GRID1: variants seen among roughly 807,000 people sequenced by gnomAD.
GRID1 encodes glutamate receptor ionotropic, delta-1.
In GRID1, 28 loss-of-function variants were observed where a neutral mutation model predicts 98.0. The observed-to-expected ratio is 0.29, with a 90% CI of 0.21 to 0.39. The LOEUF is 0.39. Ranked by LOEUF, GRID1 falls within the 10% of genes least tolerant of loss-of-function variation. The probability of loss-of-function intolerance (pLI) is 1.00; values close to 1 mark genes in which losing one functional copy is unlikely to be tolerated. For missense variants in GRID1, 1,111 were observed against 1,340.5 expected (o/e 0.83, Z 2.67); for synonymous variants, 553 against 538.5 (o/e 1.03, Z -0.37).
At chr10:85,876,603 T>C (rs1288147138) in intron 5 of GRID1, among the ~76,000 whole-genome samples, 1 of 152,176 alleles carries the variant, frequency 6.6e-6, no homozygotes, top group African/African-American at 2.4e-5. Flanking sequence ...TGCATCCAGA[T>C]ATTAAGAATC....
chr10:85,930,094 T>C (rs1472755637), intron 4 of GRID1, among the ~76,000 whole-genome samples: 1 of 152,172 alleles, frequency 6.6e-6, no homozygotes, highest in Admixed American at 6.5e-5. Flanking sequence ...CTTTTGCTTT[T>C]TTGCATTAAC....
At chr10:85,796,009 C>T (rs1292379391) in intron 8 of GRID1, among the ~76,000 whole-genome samples, 1 of 152,172 alleles carries the variant, frequency 6.6e-6, no homozygotes, top group South Asian at 2.1e-4. Context: ...CAAAACCAAA[C>T]CTCTAATCCC....
chr10:85,907,124 G>A (rs1350157921), intron 5 of GRID1, among the ~76,000 whole-genome samples: 2 of 151,990 alleles, frequency 1.3e-5, no homozygotes, highest in African/African-American at 2.4e-5. Context: ...GTTTTGTTTT[G>A]TTTTTTTGAG....
chr10:85,883,496 CTCTCTCTCTCTCTG>C (rs1041845302), intron 5 of GRID1, among the ~76,000 whole-genome samples: 6 of 148,718 alleles, frequency 4.0e-5, no homozygotes, highest in African/African-American at 7.3e-5. Flanking sequence ...CTCTCTGTCT[CTCTCTCTCTCTCTG>C]TCTCTCTCTC....
chr10:85,747,189 T>G (rs1842005566), intron 8 of GRID1, among the ~76,000 whole-genome samples: 1 of 152,138 alleles, frequency 6.6e-6, no homozygotes, highest in Admixed American at 6.5e-5. Context: ...AACTCAGAAC[T>G]TCTGAATCAA....
chr10:86,131,309 TC>T (rs1245410005), intron 4 of GRID1, among the ~76,000 whole-genome samples: 1 of 152,046 alleles, frequency 6.6e-6, no homozygotes, highest in Non-Finnish European at 1.5e-5. Context: ...CCCTTGGGGA[TC>T]CGGGAGCAGA....
chr10:86,311,816 C>T (rs1177030227), intron 2 of GRID1, among the ~76,000 whole-genome samples: 5 of 152,222 alleles, frequency 3.3e-5, no homozygotes, highest in Admixed American at 6.5e-5. Context: ...AGCTATGTGA[C>T]TGAACCACTG....
At chr10:86,159,516 T>C (rs940261887) in intron 3 of GRID1, among the ~76,000 whole-genome samples, 1 of 152,194 alleles carries the variant, frequency 6.6e-6, no homozygotes, top group Non-Finnish European at 1.5e-5. Flanking sequence ...CCATATAGTC[T>C]AGGTGTATAG....
At chr10:86,177,070 G>A (rs939000289) in intron 3 of GRID1, among the ~76,000 whole-genome samples, 2 of 151,000 alleles carry the variant, frequency 1.3e-5, no homozygotes, top group East Asian at 1.9e-4. Flanking sequence ...GGTGCCCTTC[G>A]CCCCCACCCC....
intron 5 of GRID1, among the ~76,000 whole-genome samples, chr10:85,873,950 C>A (rs1392899528): frequency 6.6e-6 from 1 of 152,252 alleles, no homozygotes; most frequent in Non-Finnish European, 1.5e-5. Context: ...CTGATAGGTG[C>A]AGCTCAGCTC....
chr10:86,253,648 G>C (rs1846871317), intron 2 of GRID1, among the ~76,000 whole-genome samples: 3 of 152,190 alleles, frequency 2.0e-5, no homozygotes, highest in Admixed American at 2.0e-4. Flanking sequence ...AGGACAAGAA[G>C]GCCAGGCCCC....
chr10:85,949,537 T>C (rs1318559122), intron 4 of GRID1, among the ~76,000 whole-genome samples: 5 of 152,322 alleles, frequency 3.3e-5, no homozygotes, highest in African/African-American at 7.2e-5. Context: ...CAAACACCTA[T>C]TGATTTTCAT....
intron 2 of GRID1, among the ~76,000 whole-genome samples, chr10:86,208,528 G>T (rs1020026017): frequency 3.3e-5 from 5 of 152,046 alleles, no homozygotes; most frequent in Admixed American, 3.3e-4. Context: ...CCAACCAACT[G>T]CCCACCCTGG....
chr10:86,130,918 T>G (rs1403126573), intron 4 of GRID1, among the ~76,000 whole-genome samples: 2 of 152,150 alleles, frequency 1.3e-5, no homozygotes, highest in Non-Finnish European at 2.9e-5. Context: ...CCCCAGTTCC[T>G]GCACCTGCCC....
chr10:86,025,192 G>C (rs55819420), intron 4 of GRID1, among the ~76,000 whole-genome samples: 18 of 152,122 alleles, frequency 1.2e-4, no homozygotes, highest in Non-Finnish European at 2.5e-4. Context: ...TCTGTGACCC[G>C]GACACATGGC....
chr10:86,059,502 A>G (rs1419433118), intron 4 of GRID1, among the ~76,000 whole-genome samples: 1 of 152,248 alleles, frequency 6.6e-6, no homozygotes, highest in Non-Finnish European at 1.5e-5. Flanking sequence ...GCAAAAGGCA[A>G]AGGTAATTTT....
chr10:85,613,415 GGGTCTCCTGGTGGCACC>G lies in GRID1; in HGVS notation c.2576_2592del (p.Arg859ProfsTer22), dbSNP rs749644926. On this transcript the variant is annotated frameshift_variant, in exon 15 of 16. Coordinates refer to ENST00000327946, the MANE Select transcript of GRID1 (RefSeq NM_017551.3). Reference sequence around the variant, plus strand: ...GGCCCCAGGGTGCTGACCTCCTTGGGGGTCTCCTGGTGGCACCGGTTGCTGTTCCACCACAACTCCAG... The same window carrying G: ...GGCCCCAGGGTGCTGACCTCCTTGGGGGTTGCTGTTCCACCACAACTCCAG... The G allele has an allele frequency of 6.2e-7, 1 of 1,612,798 alleles. No homozygotes were observed. The highest frequency in any genetic ancestry group is 8.5e-7 in the Non-Finnish European group (1 of 1,179,726).
At chr10:86,350,445 G>A (rs1848447762) in intron 2 of GRID1, among the ~76,000 whole-genome samples, 1 of 152,170 alleles carries the variant, frequency 6.6e-6, no homozygotes, top group Non-Finnish European at 1.5e-5. Flanking sequence ...ACTGGAGGTG[G>A]AGAGAACCAC....
chr10:85,700,164 C>T (rs1191311778), intron 12 of GRID1, among the ~76,000 whole-genome samples: 2 of 152,140 alleles, frequency 1.3e-5, no homozygotes, highest in Non-Finnish European at 2.9e-5. Context: ...AGATGTATGG[C>T]CCTTTCTATG....
Sources: allele counts gnomAD v4.1 joint callset (sites outside exome capture counted in the v4.1 genomes callset), GRCh38; gene constraint gnomAD v4.1.1; transcripts MANE v1.5; gene names NCBI Gene and HGNC (gene_info 2026-07-23, HGNC 2026-07-21).